The following ST14 variants were observed in gnomAD, a reference collection of about 807,000 sequenced individuals.
ST14 encodes suppressor of tumorigenicity 14 protein.
A neutral mutation model predicts 96.5 loss-of-function variants in ST14; 40 were observed. That is an observed-to-expected ratio of 0.41 (90% CI 0.32 to 0.54). The LOEUF (loss-of-function observed/expected upper bound fraction) is 0.54. Among genes scored for constraint, ST14 ranks in the 20% least tolerant of loss-of-function variants. The probability of loss-of-function intolerance (pLI) is 0.17; values close to 1 mark genes in which losing one functional copy is unlikely to be tolerated. For synonymous variants in ST14, 506 were observed against 492.1 expected, an observed-to-expected ratio of 1.03 and a Z score of -0.37; for missense variants, 1,066 against 1,188.9, an observed-to-expected ratio of 0.90 and a Z score of 1.52.
chr11:130,199,044 C>T lies in ST14; in HGVS notation c.1782C>T (p.Ser594=), dbSNP rs768234714. The part of the protein sequence containing the change: ...NPECDGKEDC[S]DGSDEKDCDC... ...AGTGTGACGGGAAGGAGGACTGTAG[C>T]GACGGCTCAGATGAGAAGGACTGCG... is the stretch of plus-strand genomic sequence containing the variant. Residue 594 remains serine (S), a synonymous_variant, in exon 15 of 19, where the codon AGC becomes AGT. Coordinates refer to ENST00000278742, the MANE Select transcript of ST14 (RefSeq NM_021978.4). 3.0e-5 allele frequency: 48 copies of T among 1,613,754 alleles called. No homozygotes were observed. Among genetic ancestry groups the T allele is most frequent in the Non-Finnish European group, 3.3e-5 (39 of 1,179,916 alleles).
In ST14 at chr11:130,162,047, G is replaced by A. The variant is rs994813741; in HGVS notation, c.81+1987G>A. 4.6e-5 allele frequency among the ~76,000 whole-genome samples: 7 copies of A among 152,314 alleles called. No homozygotes were observed. In the East Asian group the frequency reaches 7.7e-4, roughly 17 times the overall value. ...GCAGCTAGGATGTCCATCCCCGGCC[G>A]GGAGGTGTGGCTGCTGCCCCTGGGT... On this transcript the variant is annotated intron_variant, in intron 1 of 18. Coordinates refer to ENST00000278742, the MANE Select transcript of ST14 (RefSeq NM_021978.4).
intron 1 of ST14, among the ~76,000 whole-genome samples, chr11:130,175,303 G>GT (rs376445688): frequency 0.012 from 1,840 of 150,912 alleles, 36 homozygotes; most frequent in Admixed American, 0.048. Flanking sequence ...TGATTGGTGG[G>GT]TTTTTTTTTG....
intron 7 of ST14, among the ~76,000 whole-genome samples, chr11:130,192,556 T>A (rs1010956066): frequency 4.6e-5 from 7 of 151,976 alleles, no homozygotes; most frequent in Admixed American, 4.6e-4. Flanking sequence ...ACTCAGCTAA[T>A]TTTTTTTGTA....
At chr11:130,189,617 G>A (rs1953272507) in intron 4 of ST14, 122 bp from the exon 5 acceptor site, 1 of 1,287,298 alleles carries the variant, frequency 7.8e-7, no homozygotes, top group African/African-American at 1.5e-5. Flanking sequence ...GCTGGGGAAG[G>A]GCCTCTGCAG....
rs755183386 is a variant in ST14, at chr11:130,196,389, G to A, written c.1164G>A (p.Leu388=). 6.2e-7 allele frequency: 1 copy of A among 1,609,624 alleles called. No homozygotes were observed. The highest frequency in any genetic ancestry group is 1.1e-5 in the South Asian group (1 of 89,902). ...VKVRFKFFYL[L]EPGVPAGTCP... is the part of the protein sequence containing the mutation. ...TGCGCTTCAAATTCTTCTACCTGCT[G>A]GAGCCCGGCGTGCCTGCGGGCACCT... is the stretch of plus-strand genomic sequence containing the variant. The change falls in exon 10 of 19, where the codon CTG becomes CTA. Residue 388 remains leucine (L), a synonymous_variant. Transcript: ENST00000278742.
rs1271990409 is a variant in ST14, at chr11:130,181,306, C to T, written c.82-6808C>T. 6.6e-6 allele frequency among the ~76,000 whole-genome samples: 1 copy of T among 152,126 alleles called. No homozygotes were observed. Among genetic ancestry groups the T allele is most frequent in the African/African-American group, 2.4e-5 (1 of 41,404 alleles). On this transcript the variant is annotated intron_variant, in intron 1 of 18. Coordinates refer to ENST00000278742, the MANE Select transcript of ST14 (RefSeq NM_021978.4). This position sits in a 1 kb window ranked among gnomAD's most constrained non-coding sequence, Gnocchi z 4.1. ...TGAGCCCTTTATCCCCAACCTCCCGCCTGGAAGTCATTCCTCGTTCCCTTG... is the reference window on the plus strand; with the variant it reads ...TGAGCCCTTTATCCCCAACCTCCCGTCTGGAAGTCATTCCTCGTTCCCTTG...
intron 11 of ST14, among the ~76,000 whole-genome samples, chr11:130,197,178 T>C (rs551257374): frequency 6.6e-6 from 1 of 152,338 alleles, no homozygotes; most frequent in South Asian, 2.1e-4. Flanking sequence ...TGGGAAGACA[T>C]TTAACTATGC....
intron 1 of ST14, among the ~76,000 whole-genome samples, chr11:130,168,660 C>T (rs566268793): frequency 6.6e-6 from 1 of 152,258 alleles, no homozygotes; most frequent in Non-Finnish European, 1.5e-5. Flanking sequence ...TCTGAGAATC[C>T]AATTTCAAGG....
chr11:130,169,612 G>C (rs1043415017), intron 1 of ST14, among the ~76,000 whole-genome samples: 14 of 152,164 alleles, frequency 9.2e-5, no homozygotes, highest in Non-Finnish European at 2.1e-4. Flanking sequence ...AACGTGAGTA[G>C]CGGTGAAACG....
At chr11:130,179,328 G>T (rs1953169452) in intron 1 of ST14, among the ~76,000 whole-genome samples, 1 of 152,204 alleles carries the variant, frequency 6.6e-6, no homozygotes, top group Admixed American at 6.5e-5. Flanking sequence ...AATGCTGGGG[G>T]TTGCGATCAA....
In ST14 at chr11:130,209,529, C is replaced by T. The variant is rs62642508; in HGVS notation, c.2357C>T (p.Pro786Leu). Residue 786 changes from proline to leucine, a missense_variant, in exon 18 of 19, where the codon CCG becomes CTG. Coordinates refer to ENST00000278742, the MANE Select transcript of ST14 (RefSeq NM_021978.4). ...AACCTCCTGCCGCAGCAGATCACGC[C>T]GCGCATGATGTGCGTGGGCTTCCTC... Reference protein sequence around the residue: ...CENLLPQQITPRMMCVGFLSG... With the variant: ...CENLLPQQITLRMMCVGFLSG... 9.8e-4 allele frequency: 1,554 copies of T among 1,578,844 alleles called. 11 individuals carry two copies. The African/African-American group carries it at 0.019, about 19-fold the overall frequency.
intron 7 of ST14, among the ~76,000 whole-genome samples, chr11:130,193,246 C>T (rs1029428998): frequency 3.9e-5 from 6 of 151,972 alleles, no homozygotes; most frequent in Non-Finnish European, 8.8e-5. Context: ...CGCCACCATG[C>T]CCAGCTAGTT....
At chr11:130,202,304 A>G (rs528282716) in intron 16 of ST14, among the ~76,000 whole-genome samples, 1 of 152,306 alleles carries the variant, frequency 6.6e-6, no homozygotes, top group East Asian at 1.9e-4. Flanking sequence ...CCTGGTTACT[A>G]TTGACACTAG....
Position 130,196,562 on chromosome 11 carries a change from C to A in ST14, c.1224-8C>A, listed in dbSNP as rs773009567. The A allele has an allele frequency of 8.7e-6, 14 of 1,611,166 alleles. No homozygotes were observed. In the Admixed American group the frequency reaches 1.8e-4, roughly 21 times the overall value. ...CCCTCCTCACCTTGTGCCCCGCCCC[C>A]CCTCCAGATACTGCGGAGAGAGGTC... On this transcript the variant is annotated splice_region_variant and splice_polypyrimidine_tract_variant and intron_variant, in intron 10 of 18. Coordinates refer to ENST00000278742, the MANE Select transcript of ST14 (RefSeq NM_021978.4).
intron 1 of ST14, among the ~76,000 whole-genome samples, chr11:130,185,861 T>A (rs1953232634): frequency 6.6e-6 from 1 of 152,052 alleles, no homozygotes; most frequent in African/African-American, 2.4e-5. Flanking sequence ...AGGCCGGAGT[T>A]CAGTGGCGCA....
Position 130,209,441 on chromosome 11 carries a change from G to T in ST14, c.2270-1G>T. The T allele has an allele frequency of 6.3e-7, 1 of 1,580,688 alleles. No individual in the cohort carries two copies. The highest frequency in any genetic ancestry group is 8.6e-7 in the Non-Finnish European group (1 of 1,163,468). ...TCAGCCCCGTCCTGCCCTCTCCCCA[G>T]GCACTGGCGCGCTGATCCTGCAAAA... On this transcript the variant is annotated splice_acceptor_variant, in intron 17 of 18. Coordinates refer to ENST00000278742, the MANE Select transcript of ST14 (RefSeq NM_021978.4). LOFTEE classifies it high-confidence loss of function.
chr11:130,176,562 G>A (rs1430802976), intron 1 of ST14, among the ~76,000 whole-genome samples: 1 of 151,526 alleles, frequency 6.6e-6, no homozygotes, highest in African/African-American at 2.4e-5. Context: ...CTAATTTTTT[G>A]TATTTTTAGT....
At chr11:130,165,967 A>G (rs1056614594) in intron 1 of ST14, among the ~76,000 whole-genome samples, 12 of 152,258 alleles carry the variant, frequency 7.9e-5, no homozygotes. Flanking sequence ...GCAAACTGCT[A>G]GAACATGTTA....
At chr11:130,182,223 A>G (rs1200992577) in intron 1 of ST14, among the ~76,000 whole-genome samples, 2 of 151,916 alleles carry the variant, frequency 1.3e-5, no homozygotes, top group African/African-American at 4.8e-5. Flanking sequence ...AGATCCAGTA[A>G]GAAAATGGTT....
Sources: allele counts gnomAD v4.1 joint callset (sites outside exome capture counted in the v4.1 genomes callset), GRCh38; gene constraint gnomAD v4.1.1; non-coding constraint Gnocchi (gnomAD v3.1); transcripts MANE v1.5; gene names NCBI Gene and HGNC (gene_info 2026-07-23, HGNC 2026-07-21).